OFD1: variants seen among roughly 807,000 people sequenced by gnomAD.
OFD1 encodes the protein OFD1 centriole and centriolar satellite protein.
OFD1 carries 12 observed loss-of-function variants against 81.4 expected under a neutral mutation model. The observed-to-expected ratio is 0.15, with a 90% CI of 0.09 to 0.24. The LOEUF (loss-of-function observed/expected upper bound fraction) is 0.24. Ranked by LOEUF, OFD1 falls within the 10% of genes least tolerant of loss-of-function variation. The pLI is 1.00. For missense variants in OFD1, 685 were observed against 733.9 expected, an observed-to-expected ratio of 0.93 and a Z score of 0.77; for synonymous variants, 256 against 263.7, an observed-to-expected ratio of 0.97 and a Z score of 0.28.
chrX:13,761,023 C>T, intron 16 of OFD1, 62 bp from the exon 17 acceptor site: 5 of 1,191,579 alleles, frequency 4.2e-6, no homozygotes, highest in Non-Finnish European at 5.7e-6. Context: ...CTTTAGAAAC[C>T]ACGTTGGTAT....
the OFD1 span, among the ~76,000 whole-genome samples, chrX:13,729,728 G>A: frequency 9.0e-6 from 1 of 111,288 alleles, no homozygotes; most frequent in East Asian, 2.8e-4. Context: ...GACCAACATG[G>A]AGAAACCCCG....
chrX:13,738,886 A>T lies in OFD1; in HGVS notation c.353A>T (p.Asn118Ile), dbSNP rs761683644. The T allele has an allele frequency of 8.4e-7, 1 of 1,191,967 alleles. No individual in the cohort carries two copies. Among genetic ancestry groups the T allele is most frequent in the Non-Finnish European group, 1.1e-6 (1 of 879,916 alleles). The change falls in exon 4 of 23, where the codon AAC becomes ATC. Residue 118 changes from asparagine (N) to isoleucine (I), a missense_variant. Physicochemically the swap from Asn to Ile is moderately radical, Grantham distance 149. Transcript: ENST00000340096. ...GATCTATTACAACTCATTAAAATCA[A>T]CCCTACTTCCAGTCTCTACAAATCA... is the stretch of plus-strand genomic sequence containing the variant. ...MQDLLQLIKI[N>I]PTSSLYKSLV...
upstream of OFD1, among the ~76,000 whole-genome samples, chrX:13,730,199 T>C (rs1397908382): frequency 9.3e-6 from 1 of 107,706 alleles, no homozygotes; most frequent in Non-Finnish European, 1.9e-5. Context: ...ATCCAGAATC[T>C]ACAAAGAACT....
intron 17 of OFD1, among the ~76,000 whole-genome samples, chrX:13,761,548 G>A: frequency 8.9e-6 from 1 of 112,261 alleles, no homozygotes; most frequent in Admixed American, 9.4e-5. Context: ...AAATCTGAAA[G>A]CAAACAAATG....
At chrX:13,762,640 A>C (rs1378233824) in intron 18 of OFD1, among the ~76,000 whole-genome samples, 196 bp downstream of exon 18, 1 of 112,983 alleles carries the variant, frequency 8.9e-6, no homozygotes, top group Non-Finnish European at 1.9e-5. Context: ...TTACTTTTTA[A>C]AAATTTCAGT....
intron 5 of OFD1, among the ~76,000 whole-genome samples, chrX:13,740,714 AC>A (rs2047058441): frequency 9.3e-6 from 1 of 107,983 alleles, no homozygotes; most frequent in Admixed American, 9.9e-5. Context: ...AATCGCTTGA[AC>A]CAGAGAGGCG....
At chrX:13,731,588 T>A (rs143473075), upstream of OFD1, among the ~76,000 whole-genome samples, 87 of 111,843 alleles carry the variant, frequency 7.8e-4, no homozygotes, top group East Asian at 0.019. Flanking sequence ...AATGTTGCCC[T>A]CCATGAGAGC....
In OFD1 at chrX:13,735,289, A is replaced by T; in HGVS notation, c.54A>T (p.Glu18Asp). The T allele has an allele frequency of 8.3e-7, 1 of 1,211,781 alleles. No homozygotes were observed. The highest frequency in any genetic ancestry group is 1.1e-6 in the Non-Finnish European group (1 of 895,337). Residue 18 changes from glutamate to aspartate, a missense_variant, in exon 2 of 23, where the codon GAA becomes GAT. By Grantham distance (45) the Glu-to-Asp change is conservative (BLOSUM62 2). This residue lies in a region of OFD1 where 414 missense variants were observed against 447.2 expected (regional missense o/e 0.93). Coordinates refer to ENST00000340096, the MANE Select transcript of OFD1 (RefSeq NM_003611.3). Reference sequence around the variant, plus strand: ...TGGCTGATGTGTTGAGTCAAGATGAACTGCGCAAAAAGCTATACCAGACGT... The same window carrying T: ...TGGCTGATGTGTTGAGTCAAGATGATCTGCGCAAAAAGCTATACCAGACGT... ...FTVADVLSQD[E>D]LRKKLYQTFK... is the part of the protein sequence containing the mutation.
chrX:13,721,568 C>T, the OFD1 span: 3 of 111,976 alleles, frequency 2.7e-5, no homozygotes, highest in African/African-American at 9.7e-5. Context: ...CTTAGCAAGC[C>T]TCATTGGGCC....
At chrX:13,758,572 G>A (rs1257831145) in intron 15 of OFD1, 124 bp downstream of exon 15, 1 of 467,136 alleles carries the variant, frequency 2.1e-6, no homozygotes, top group African/African-American at 2.5e-5. Flanking sequence ...ATAGAAATAT[G>A]TGTCATCTTA....
rs192285113 is a variant in OFD1 at position 13,753,414 on chromosome X, C to G, written c.1102C>G (p.Leu368Val). 4.1e-5 allele frequency: 50 copies of G among 1,207,529 alleles called. No homozygotes were observed. Among genetic ancestry groups the G allele is most frequent in the Non-Finnish European group, 5.3e-5 (47 of 893,469 alleles). ...KDDYIIRTNR[L>V]IEDERKNKEK... ...TGACTACATCATTAGAACTAATCGA[C>G]TGATTGAAGATGAAAGGAAGAATAA... Residue 368 changes from leucine (L) to valine (V), a missense_variant, in exon 11 of 23, where the codon CTG (leucine) becomes GTG (valine). Physicochemically the swap from Leu to Val is conservative, Grantham distance 32. Coordinates refer to ENST00000340096, the MANE Select transcript of OFD1 (RefSeq NM_003611.3).
chrX:13,733,614 C>A (rs2046731321), upstream of OFD1, among the ~76,000 whole-genome samples: 1 of 112,197 alleles, frequency 8.9e-6, no homozygotes, highest in Non-Finnish European at 1.9e-5. Context: ...TCATCGTACT[C>A]ATCTTCAATG....
upstream of OFD1, among the ~76,000 whole-genome samples, chrX:13,730,855 G>T (rs1385092872): frequency 1.9e-5 from 2 of 103,884 alleles, no homozygotes; most frequent in Non-Finnish European, 2.0e-5. Context: ...CTCATAGGTG[G>T]GAATTGAACA....
chrX:13,718,698 T>C, the OFD1 span, among the ~76,000 whole-genome samples: 1 of 112,586 alleles, frequency 8.9e-6, no homozygotes, highest in Non-Finnish European at 1.9e-5. Flanking sequence ...AAGGCCTGAA[T>C]AGTTGAAAAA....
rs892478776 is a variant in OFD1, at chrX:13,755,927, T to C, written c.1222-651T>C. ...AAGCACTTCACAACATTTTACAGAA[T>C]CTTTTTTCCTTTCTTTCCCTTTTTT... On this transcript the variant is annotated intron_variant, in intron 12 of 22. Coordinates refer to ENST00000340096, the MANE Select transcript of OFD1 (RefSeq NM_003611.3). Among the ~76,000 whole-genome samples, 12 of 106,083 alleles carry C rather than the reference T, an allele frequency of 1.1e-4. 1 individual carries two copies. Among genetic ancestry groups the C allele is most frequent in the Non-Finnish European group, 2.1e-4 (11 of 51,779 alleles). The allele number at this position is 106,083 out of a possible 115,157, so 92.1% of individuals were successfully genotyped here. A position where few individuals can be genotyped will look rare whatever the true frequency, so the allele number is the denominator to read the frequency against.
At chrX:13,724,400 T>TAA in the OFD1 span, among the ~76,000 whole-genome samples, 11 of 82,309 alleles carry the variant, frequency 1.3e-4, no homozygotes, top group Non-Finnish European at 1.4e-4. Flanking sequence ...AATATATATT[T>TAA]AAAAAAAAAA....
upstream of OFD1, among the ~76,000 whole-genome samples, chrX:13,733,204 A>G (rs1241038947): frequency 9.0e-6 from 1 of 110,611 alleles, no homozygotes; most frequent in Non-Finnish European, 1.9e-5. Flanking sequence ...ACATATCAAC[A>G]TCTTTTTAGA....
At chrX:13,717,016 A>T in the OFD1 span, among the ~76,000 whole-genome samples, 3 of 98,348 alleles carry the variant, frequency 3.1e-5, no homozygotes, top group African/African-American at 1.1e-4. Context: ...CTAAACATGT[A>T]AAAAAAGGAT....
At chrX:13,715,985 A>C in the OFD1 span, 4 of 1,170,208 alleles carry the variant, frequency 3.4e-6, no homozygotes, top group South Asian at 7.5e-5. Flanking sequence ...GAATTTAAAA[A>C]TTATAGAACA....
Sources: allele counts gnomAD v4.1 joint callset (sites outside exome capture counted in the v4.1 genomes callset), GRCh38; gene constraint gnomAD v4.1.1; regional missense constraint gnomAD v4.1.1; transcripts MANE v1.5; gene names NCBI Gene and HGNC (gene_info 2026-07-23, HGNC 2026-07-21).